ACOT11: variants seen among roughly 807,000 people sequenced by gnomAD.
ACOT11 encodes acyl-coenzyme A thioesterase 11.
ACOT11 carries 69 observed loss-of-function variants against 77.5 expected under a neutral mutation model. That is an observed-to-expected ratio of 0.89 (90% CI 0.73 to 1.09). The LOEUF is 1.09. ACOT11 is among the 50% of genes least tolerant of loss of function. The pLI is 0.00. For synonymous variants in ACOT11, 279 were observed against 313.0 expected, an observed-to-expected ratio of 0.89 and a Z score of 1.15; for missense variants, 766 against 813.7, an observed-to-expected ratio of 0.94 and a Z score of 0.71.
chr1:54,592,491 C>T (rs1654747237), intron 3 of ACOT11, 55 bp from the exon 4 acceptor site: 2 of 1,546,966 alleles, frequency 1.3e-6, no homozygotes, highest in Non-Finnish European at 1.8e-6. Flanking sequence ...TCTGAGGCCC[C>T]TGTTCCTCCC....
At chr1:54,582,392 C>G (rs1654341433) in intron 1 of ACOT11, 3 of 974,916 alleles carry the variant, frequency 3.1e-6, no homozygotes, top group Non-Finnish European at 3.7e-6. Context: ...GTGCCAGGCC[C>G]CTCTAGGCCC....
At chr1:54,612,813 C>A (rs1644133725), downstream of ACOT11, 1 of 816,066 alleles carries the variant, frequency 1.2e-6, no homozygotes, top group Non-Finnish European at 2.0e-6. Flanking sequence ...CCTATTGGAT[C>A]TATGATAAGG....
chr1:54,613,063 G>A (rs1557670356), downstream of ACOT11, among the ~76,000 whole-genome samples: 3 of 152,000 alleles, frequency 2.0e-5, no homozygotes, highest in African/African-American at 7.2e-5. Context: ...GGGAGTCTCT[G>A]AAGTTTCTCA....
intron 15 of ACOT11, chr1:54,616,139 A>G (rs761118154): frequency 6.2e-7 from 1 of 1,614,172 alleles, no homozygotes; most frequent in Non-Finnish European, 8.5e-7. Flanking sequence ...GAGCCCTTCT[A>G]CATTGACGTC....
rs1569767718 is a variant in ACOT11, at chr1:54,607,266, G to A, written c.1502+1G>A. 2.5e-6 allele frequency: 4 copies of A among 1,614,098 alleles called. No individual in the cohort carries two copies. Among genetic ancestry groups the A allele is most frequent in the Non-Finnish European group, 2.5e-6 (3 of 1,179,994 alleles). ...CGAGGCGGAAGCCTTGTGACAATGG[G>A]TGTGTGCCTATCTGCTGTGGGGTGG... On this transcript the variant is annotated splice_donor_variant, in intron 14 of 15. Coordinates refer to ENST00000343744, the MANE Select transcript of ACOT11 (RefSeq NM_147161.4). LOFTEE classifies it high-confidence loss of function. The surrounding 1 kb of genome is among the most constrained non-coding windows in gnomAD (Gnocchi z 4.5).
At chr1:54,582,515 T>C (rs1367184287) in intron 1 of ACOT11, 2 of 985,208 alleles carry the variant, frequency 2.0e-6, no homozygotes, top group Non-Finnish European at 2.4e-6. Context: ...CTGGCTCCCG[T>C]GGCATAGGGT....
chr1:54,551,954 C>T lies in ACOT11; in HGVS notation c.33+3612C>T, dbSNP rs59824448. Among the ~76,000 whole-genome samples the T allele has an allele frequency of 6.2e-3, 941 of 152,182 alleles. 10 individuals carry two copies. Among genetic ancestry groups the T allele is most frequent in the African/African-American group, 0.021 (876 of 41,512 alleles). ...CCTCCAACCACACAATGCAATCCTA[C>T]TGTTTTACCTTGAACCTGAGGACAG... On this transcript the variant is annotated intron_variant, in intron 1 of 15. Transcript: ENST00000343744.
intron 1 of ACOT11, among the ~76,000 whole-genome samples, chr1:54,578,781 G>A (rs945312456): frequency 6.6e-6 from 1 of 151,852 alleles, no homozygotes; most frequent in African/African-American, 2.4e-5. Context: ...AGCCCAAAGA[G>A]GAATGTTTAT....
At chr1:54,614,731 T>G (rs753498395), downstream of ACOT11, 26 of 1,613,880 alleles carry the variant, frequency 1.6e-5, no homozygotes, top group Middle Eastern at 4.9e-4. Flanking sequence ...GAGATGAGCA[T>G]GTTGGGGCCC....
At chr1:54,618,137 T>A (rs1424850700) in intron 15 of ACOT11, among the ~76,000 whole-genome samples, 1 of 152,150 alleles carries the variant, frequency 6.6e-6, no homozygotes. Context: ...ATCTCTGGGC[T>A]GTTGCCTGGC....
At chr1:54,631,347 CAG>C (rs1644298809) in intron 16 of ACOT11, among the ~76,000 whole-genome samples, 1 of 152,164 alleles carries the variant, frequency 6.6e-6, no homozygotes, top group African/African-American at 2.4e-5. Flanking sequence ...TTAAATTACT[CAG>C]AGAATTAAAA....
chr1:54,630,651 G>T, intron 15 of ACOT11: 1 of 539,576 alleles, frequency 1.9e-6, no homozygotes, highest in South Asian at 2.7e-5. Context: ...TCTGTTCCGG[G>T]CTCTCAGCTC....
At chr1:54,625,784 C>T (rs1475983561) in intron 15 of ACOT11, among the ~76,000 whole-genome samples, 5 of 150,762 alleles carry the variant, frequency 3.3e-5, no homozygotes, top group Non-Finnish European at 7.4e-5. Flanking sequence ...CTAAAAAATA[C>T]AAAAATTAGC....
At chr1:54,624,608 T>C (rs12407085) in intron 15 of ACOT11, among the ~76,000 whole-genome samples, 46,159 of 151,634 alleles carry the variant, frequency 0.3, 7,641 homozygotes, top group Middle Eastern at 0.41. Flanking sequence ...GAAGAGGCAT[T>C]AGTAGAGGAA....
At chr1:54,601,469 C>G in intron 9 of ACOT11, 56 bp downstream of exon 9, 1 of 1,584,094 alleles carries the variant, frequency 6.3e-7, no homozygotes, top group Non-Finnish European at 8.6e-7. Flanking sequence ...CCCTCTCTGC[C>G]CTGGCATGGT....
At chr1:54,571,477 C>T (rs1210348314) in intron 1 of ACOT11, among the ~76,000 whole-genome samples, 1 of 152,200 alleles carries the variant, frequency 6.6e-6, no homozygotes, top group Non-Finnish European at 1.5e-5. Flanking sequence ...GCTGGCACAC[C>T]TGCTGAGCTC....
intron 1 of ACOT11, among the ~76,000 whole-genome samples, chr1:54,578,399 C>A (rs1173943616): frequency 6.6e-6 from 1 of 152,218 alleles, no homozygotes; most frequent in Non-Finnish European, 1.5e-5. Context: ...GCCCCACCCC[C>A]TGAAAAGCAT....
chr1:54,601,125 GTA>G (rs1643957169), intron 8 of ACOT11, 142 bp from the exon 9 acceptor site: 11 of 784,758 alleles, frequency 1.4e-5, no homozygotes, highest in African/African-American at 4.1e-5. Context: ...ACATGTGTGT[GTA>G]TGTGTGTGCA....
chr1:54,587,947 G>A lies in ACOT11; in HGVS notation c.311+2043G>A, dbSNP rs1351040525. 3.9e-5 allele frequency among the ~76,000 whole-genome samples: 6 copies of A among 151,952 alleles called. No homozygotes were observed. The South Asian group carries it at 1.0e-3, about 26-fold the overall frequency. The stretch of plus-strand genomic sequence containing the variant: ...AGATAGTACAAGGCCGGGCGCAGTG[G>A]CTTGTGTCCAATTCCAGAACTTTGG... On this transcript the variant is annotated intron_variant, in intron 3 of 15. Coordinates refer to ENST00000343744, the MANE Select transcript of ACOT11 (RefSeq NM_147161.4).
Sources: gnomAD v4.1 joint callset for allele counts (sites outside exome capture counted in the v4.1 genomes callset) on GRCh38, gnomAD v4.1.1 for gene constraint, Gnocchi (gnomAD v3.1) non-coding constraint, MANE v1.5 for transcripts, NCBI Gene and HGNC (gene_info 2026-07-23, HGNC 2026-07-21) for gene names.